NRG1: variants seen among roughly 807,000 people sequenced by gnomAD.
NRG1 encodes the protein pro-neuregulin-1, membrane-bound isoform.
NRG1 carries 18 observed loss-of-function variants against 63.8 expected under a neutral mutation model. The ratio of observed to expected loss-of-function variants is 0.28; its 90% CI spans 0.19 to 0.42. NRG1 has a LOEUF of 0.42. Among genes scored for constraint, NRG1 ranks in the 10% least tolerant of loss-of-function variants. The pLI is 1.00. For missense variants in NRG1, 762 were observed against 814.7 expected (o/e 0.94, Z 0.79); for synonymous variants, 302 against 301.3 (o/e 1.00, Z -0.02).
At chr8:32,743,596 A>ATATATATATATATATAT (rs58229077) in intron 7 of NRG1, among the ~76,000 whole-genome samples, 42 of 143,862 alleles carry the variant, frequency 2.9e-4, no homozygotes, top group East Asian at 1.0e-3. Context: ...ATATATATAT[A>ATATATATATATATATAT]AAACTTAATA....
Position 32,742,135 on chromosome 8 carries a change from C to G in NRG1, c.633-540C>G. 7.4e-7 allele frequency: 1 copy of G among 1,357,688 alleles called. No homozygotes were observed. The highest frequency in any genetic ancestry group is 1.1e-6 in the Non-Finnish European group (1 of 947,486). 84.1% of individuals were successfully genotyped at this position (1,357,688 alleles called of 1,614,324 possible). On this transcript the variant is annotated intron_variant, in intron 6 of 11. Transcript: ENST00000356819. The surrounding 1 kb of genome is among the most constrained non-coding windows in gnomAD (Gnocchi z 4.2). ...CCAACTACAGCAACAATCACTACCA[C>G]TTGGTGCTTTTACAGCTCAGTCGTA... is the stretch of plus-strand genomic sequence containing the variant.
chr8:32,734,363 G>C (rs1006545975), intron 6 of NRG1, among the ~76,000 whole-genome samples: 1 of 152,174 alleles, frequency 6.6e-6, no homozygotes, highest in Non-Finnish European at 1.5e-5. Context: ...TGCAGAAAGA[G>C]AAATTTGGAA....
At chr8:32,045,712 G>T (rs80060390) in intron 1 of NRG1, among the ~76,000 whole-genome samples, 7 of 151,838 alleles carry the variant, frequency 4.6e-5, no homozygotes, top group Non-Finnish European at 8.8e-5. Context: ...TGCAGAAAGG[G>T]TAATGTTCTA....
chr8:31,859,469 G>A (rs563226067), intron 1 of NRG1, among the ~76,000 whole-genome samples: 3 of 152,088 alleles, frequency 2.0e-5, no homozygotes, highest in East Asian at 3.9e-4. Context: ...GTAAACCATC[G>A]TCCCCTGAGA....
chr8:31,849,606 C>T (rs1827022229), intron 1 of NRG1, among the ~76,000 whole-genome samples: 1 of 152,186 alleles, frequency 6.6e-6, no homozygotes, highest in Non-Finnish European at 1.5e-5. Context: ...TCTCATTTCA[C>T]CCTTAAAGGG....
intron 7 of NRG1, among the ~76,000 whole-genome samples, chr8:32,744,099 A>C (rs773042593): frequency 3.3e-5 from 5 of 152,128 alleles, no homozygotes; most frequent in Non-Finnish European, 7.4e-5. Flanking sequence ...AACATAAGAA[A>C]CAGTGATGTA....
chr8:32,685,398 A>G (rs1422226228), intron 5 of NRG1, among the ~76,000 whole-genome samples: 1 of 152,132 alleles, frequency 6.6e-6, no homozygotes, highest in Admixed American at 6.5e-5. Flanking sequence ...CCTCCCTTGG[A>G]GACTTGTCAG....
chr8:31,666,295 C>T (rs993749885), intron 1 of NRG1, among the ~76,000 whole-genome samples: 6 of 152,120 alleles, frequency 3.9e-5, no homozygotes, highest in African/African-American at 1.4e-4. Flanking sequence ...AAAAAATATC[C>T]TCTTCCCTCT....
intron 1 of NRG1, among the ~76,000 whole-genome samples, chr8:32,441,987 G>A (rs1819609682): frequency 6.6e-6 from 1 of 152,108 alleles, no homozygotes; most frequent in South Asian, 2.1e-4. Flanking sequence ...CATTTATGAA[G>A]GTCAGTGCTT....
intron 1 of NRG1, among the ~76,000 whole-genome samples, chr8:31,804,417 T>G (rs572681419): frequency 1.3e-5 from 2 of 152,118 alleles, no homozygotes; most frequent in African/African-American, 4.8e-5. Context: ...GGATAGGCAT[T>G]TTTTCTGTCC....
intron 5 of NRG1, among the ~76,000 whole-genome samples, chr8:32,645,930 G>T (rs1479267607): frequency 6.6e-6 from 1 of 152,186 alleles, no homozygotes; most frequent in African/African-American, 2.4e-5. Context: ...GAAAGGTAAA[G>T]CTCCTGAAAC....
At chr8:31,657,636 C>A (rs1404273019) in intron 1 of NRG1, among the ~76,000 whole-genome samples, 1 of 152,058 alleles carries the variant, frequency 6.6e-6, no homozygotes, top group Non-Finnish European at 1.5e-5. Context: ...GTTGAAGACA[C>A]CCTGCACAAG....
At chr8:32,376,116 T>C (rs1253482330) in intron 1 of NRG1, among the ~76,000 whole-genome samples, 1 of 152,206 alleles carries the variant, frequency 6.6e-6, no homozygotes, top group Non-Finnish European at 1.5e-5. Flanking sequence ...AAACTAGGTA[T>C]AACAATGAAG....
chr8:32,340,163 A>G (rs1436339466), intron 1 of NRG1, among the ~76,000 whole-genome samples: 5 of 152,244 alleles, frequency 3.3e-5, no homozygotes, highest in Admixed American at 2.6e-4. Flanking sequence ...TATCTGTGCC[A>G]TATTATTTTA....
intron 6 of NRG1, among the ~76,000 whole-genome samples, chr8:32,741,069 G>T (rs1826212938): frequency 6.6e-6 from 1 of 152,010 alleles, no homozygotes; most frequent in South Asian, 2.1e-4. Context: ...GGATATACTG[G>T]TAAAATCAAT....
intron 1 of NRG1, among the ~76,000 whole-genome samples, chr8:31,903,127 A>G (rs767893072): frequency 2.0e-5 from 3 of 146,462 alleles, no homozygotes; most frequent in Non-Finnish European, 4.5e-5. Flanking sequence ...GCTTCAGATG[A>G]TTCTGGCCTA....
At chr8:32,198,719 C>T (rs961849452) in intron 1 of NRG1, among the ~76,000 whole-genome samples, 1 of 152,106 alleles carries the variant, frequency 6.6e-6, no homozygotes, top group African/African-American at 2.4e-5. Context: ...ATCCAAAGCT[C>T]TAATCAATTA....
chr8:32,076,347 C>A (rs1408454329), intron 1 of NRG1, among the ~76,000 whole-genome samples: 1 of 152,068 alleles, frequency 6.6e-6, no homozygotes, highest in Non-Finnish European at 1.5e-5. Flanking sequence ...ATGCGTATTT[C>A]AAATGGATAA....
chr8:32,768,192 A>G (rs1831567875), downstream of NRG1, among the ~76,000 whole-genome samples: 1 of 152,194 alleles, frequency 6.6e-6, no homozygotes, highest in African/African-American at 2.4e-5. Flanking sequence ...CCACACAACC[A>G]GACAGTACTA....
Sources: allele counts gnomAD v4.1 joint callset (sites outside exome capture counted in the v4.1 genomes callset), GRCh38; gene constraint gnomAD v4.1.1; non-coding constraint Gnocchi (gnomAD v3.1); transcripts MANE v1.5; gene names NCBI Gene and HGNC (gene_info 2026-07-23, HGNC 2026-07-21).